Variants in CFAP299 observed in about 807,000 individuals in gnomAD.
CFAP299 encodes cilia- and flagella-associated protein 299.
In CFAP299, 21 loss-of-function variants were observed where a neutral mutation model predicts 27.0. The observed-to-expected ratio is 0.78, with a 90% CI of 0.55 to 1.12. CFAP299 has a LOEUF of 1.12. CFAP299 is among the 50% of genes most tolerant of loss of function. CFAP299 has a pLI of 0.00. For missense variants in CFAP299, 310 were observed against 276.6 expected (o/e 1.12, Z -0.86); for synonymous variants, 104 against 98.1 (o/e 1.06, Z -0.36).
At chr4:80,856,128 G>A (rs918786487) in intron 3 of CFAP299, among the ~76,000 whole-genome samples, 1 of 151,550 alleles carries the variant, frequency 6.6e-6, no homozygotes, top group African/African-American at 2.4e-5. Flanking sequence ...ATCTCATTGT[G>A]GTTTTGATTT....
chr4:80,565,737 G>C (rs1578607568), intron 2 of CFAP299, among the ~76,000 whole-genome samples: 1 of 151,694 alleles, frequency 6.6e-6, no homozygotes, highest in African/African-American at 2.4e-5. Flanking sequence ...TATACTCTAA[G>C]GAAAAAAAAG....
chr4:80,565,835 G>A (rs747674536), intron 2 of CFAP299, among the ~76,000 whole-genome samples: 9 of 152,062 alleles, frequency 5.9e-5, no homozygotes, highest in Non-Finnish European at 1.2e-4. Flanking sequence ...TTGTGATAAA[G>A]CAAATGAGTT....
chr4:80,869,650 AT>A (rs1732963242), intron 3 of CFAP299, among the ~76,000 whole-genome samples: 1 of 152,014 alleles, frequency 6.6e-6, no homozygotes, highest in Non-Finnish European at 1.5e-5. Flanking sequence ...AGTAGCTGGG[AT>A]TATAGGCGCC....
chr4:80,348,350 A>G (rs1420980920), intron 1 of CFAP299, among the ~76,000 whole-genome samples: 2 of 152,222 alleles, frequency 1.3e-5, no homozygotes, highest in East Asian at 3.8e-4. Flanking sequence ...GTGAACAGAC[A>G]ACATACAGAA....
intron 1 of CFAP299, 103 bp from the exon 2 acceptor site, chr4:80,362,651 A>G: frequency 1.6e-6 from 2 of 1,213,314 alleles, no homozygotes; most frequent in African/African-American, 1.5e-5. Flanking sequence ...TTTTTCATTT[A>G]AAGCAATTGC....
intron 3 of CFAP299, among the ~76,000 whole-genome samples, chr4:80,762,089 A>G (rs957769425): frequency 6.6e-6 from 1 of 151,934 alleles, no homozygotes; most frequent in African/African-American, 2.4e-5. Flanking sequence ...TTATTGCTGA[A>G]GCATTTACTC....
chr4:80,537,856 T>C (rs1424857009), intron 2 of CFAP299, among the ~76,000 whole-genome samples: 4 of 152,076 alleles, frequency 2.6e-5, no homozygotes, highest in Admixed American at 2.6e-4. Flanking sequence ...GGTGATGTGA[T>C]GAATATATTA....
intron 1 of CFAP299, among the ~76,000 whole-genome samples, chr4:80,356,424 G>A (rs947394750): frequency 6.6e-6 from 1 of 152,032 alleles, no homozygotes; most frequent in Non-Finnish European, 1.5e-5. Flanking sequence ...ATTGCTTTGG[G>A]CAGTATGGCC....
intron 3 of CFAP299, among the ~76,000 whole-genome samples, chr4:80,615,030 C>T (rs995936936): frequency 1.3e-5 from 2 of 152,074 alleles, no homozygotes; most frequent in African/African-American, 4.8e-5. Flanking sequence ...TATGGATTTC[C>T]TCAGTGGTAA....
chr4:80,793,927 G>T (rs1020913762), intron 3 of CFAP299, among the ~76,000 whole-genome samples: 1 of 152,132 alleles, frequency 6.6e-6, no homozygotes, highest in Non-Finnish European at 1.5e-5. Flanking sequence ...ACCTCAGAAA[G>T]TTGTGTTATT....
rs190124276 is a variant in CFAP299, at chr4:80,801,410, A to C, written c.334-68583A>C. On this transcript the variant is annotated intron_variant, in intron 3 of 5. Transcript: ENST00000358105. ...TCTTTTGCTGTCATCTTACTCTAAA[A>C]ATTTTAGTGAAATATCCTAGGAAGA... Among the ~76,000 whole-genome samples the C allele has an allele frequency of 3.9e-3, 591 of 152,160 alleles. 1 individual carries two copies. The highest frequency in any genetic ancestry group is 0.013 in the African/African-American group (553 of 41,520).
chr4:80,594,542 C>T (rs1485286035), intron 3 of CFAP299, among the ~76,000 whole-genome samples: 2 of 152,070 alleles, frequency 1.3e-5, no homozygotes, highest in Non-Finnish European at 2.9e-5. Context: ...TAGAACATAC[C>T]TCATGTTAAA....
At chr4:80,504,603 C>T (rs1295977460) in intron 2 of CFAP299, among the ~76,000 whole-genome samples, 1 of 144,468 alleles carries the variant, frequency 6.9e-6, no homozygotes, top group Admixed American at 7.0e-5. Flanking sequence ...ACTGGAGAGG[C>T]AACACGTTAT....
chr4:80,747,062 C>T (rs997326480), intron 3 of CFAP299, among the ~76,000 whole-genome samples: 1 of 151,954 alleles, frequency 6.6e-6, no homozygotes, highest in Non-Finnish European at 1.5e-5. Context: ...AAAGGAAATG[C>T]AGTGTTCTCT....
chr4:80,907,777 C>T (rs1024366361), intron 4 of CFAP299, among the ~76,000 whole-genome samples: 1 of 152,132 alleles, frequency 6.6e-6, no homozygotes, highest in African/African-American at 2.4e-5. Context: ...AACTACAATT[C>T]AAGGTGAGAT....
intron 2 of CFAP299, among the ~76,000 whole-genome samples, chr4:80,399,111 C>T (rs995967332): frequency 6.6e-6 from 1 of 152,166 alleles, no homozygotes; most frequent in Non-Finnish European, 1.5e-5. Flanking sequence ...CACTGGCCAT[C>T]AGAGAAATGC....
chr4:80,730,284 G>A (rs1249694274), intron 3 of CFAP299, among the ~76,000 whole-genome samples: 1 of 147,162 alleles, frequency 6.8e-6, no homozygotes, highest in Non-Finnish European at 1.5e-5. Flanking sequence ...GTGTGTATGT[G>A]TGTGTGTGTG....
chr4:80,579,047 A>G (rs928443799), intron 2 of CFAP299, among the ~76,000 whole-genome samples: 9 of 152,194 alleles, frequency 5.9e-5, no homozygotes. Flanking sequence ...AGAAAACCCC[A>G]AAATGACAGT....
intron 3 of CFAP299, among the ~76,000 whole-genome samples, chr4:80,745,163 A>G (rs1032936669): frequency 1.3e-5 from 2 of 152,292 alleles, no homozygotes; most frequent in South Asian, 2.1e-4. Context: ...TTTCTTCGCT[A>G]GGCTTAATAC....
Sources: allele counts gnomAD v4.1 joint callset (sites outside exome capture counted in the v4.1 genomes callset), GRCh38; gene constraint gnomAD v4.1.1; transcripts MANE v1.5; gene names NCBI Gene and HGNC (gene_info 2026-07-23, HGNC 2026-07-21).